DIPK2B: variants seen among roughly 807,000 people sequenced by gnomAD.
The protein encoded by DIPK2B is UPF0672 protein CXorf36.
DIPK2B carries 15 observed loss-of-function variants against 22.2 expected under a neutral mutation model. The ratio of observed to expected loss-of-function variants is 0.68; its 90% CI spans 0.45 to 1.04. The LOEUF is 1.04. Ranked by LOEUF, DIPK2B falls within the 50% of genes least tolerant of loss-of-function variation. The pLI is 0.00. For synonymous variants in DIPK2B, 163 were observed against 153.2 expected (o/e 1.06, Z -0.47); for missense variants, 345 against 348.3 (o/e 0.99, Z 0.08).
In DIPK2B at chrX:45,157,883, C is replaced by G. The variant is rs2047003136; in HGVS notation, c.504G>C (p.Leu168=). Residue 168 remains leucine, a synonymous_variant, in exon 3 of 5, where the codon CTG becomes CTC. Transcript: ENST00000398000. ...KRLTPDLVQG[L]ASPLLRCPSQ... ...AAGGGCAGCGCAGGAGCGGGCTGGC[C>G]AGGCCCTACGCGCAGGTGGGAGAGA... 1 of 1,146,208 alleles carries G rather than the reference C, an allele frequency of 8.7e-7. No individual in the cohort carries two copies. Among genetic ancestry groups the G allele is most frequent in the African/African-American group, 1.8e-5 (1 of 54,866 alleles). The allele number at this position is 1,146,208 out of a possible 1,213,427, so 94.5% of individuals were successfully genotyped here.
intron 2 of DIPK2B, among the ~76,000 whole-genome samples, chrX:45,176,080 C>T (rs1375759860): frequency 9.1e-6 from 1 of 110,036 alleles, no homozygotes; most frequent in Non-Finnish European, 1.9e-5. Flanking sequence ...GGACCTCTTG[C>T]AGGAAAATAT....
At chrX:45,155,961 CTTTTTTTTTTTTT>C (rs757375184) in intron 3 of DIPK2B, among the ~76,000 whole-genome samples, 7 of 55,255 alleles carry the variant, frequency 1.3e-4, no homozygotes, top group Non-Finnish European at 2.2e-4. Flanking sequence ...AAGGGGACCT[CTTTTTTTTTTTTT>C]TTTTTTTTTT....
At chrX:45,187,368 T>C (rs748636671) in intron 2 of DIPK2B, among the ~76,000 whole-genome samples, 1 of 111,926 alleles carries the variant, frequency 8.9e-6, no homozygotes, top group South Asian at 3.7e-4. Context: ...GCTAGTAATT[T>C]AGGCTGTGGG....
Position 45,200,631 on chromosome X carries a change from T to C in DIPK2B, c.196A>G (p.Thr66Ala), listed in dbSNP as rs762991571. Residue 66 changes from threonine to alanine, a missense_variant, in exon 1 of 5, where the codon ACA becomes GCA. Thr to Ala is a moderately conservative substitution (Grantham distance 58). Transcript: ENST00000398000. ...GLDKCNACIG[T>A]SICKKFFKEE... ...TTAAAGAACTTCTTGCAAATAGATGTCCCGATGCAGGCATTGCATTTATCA... is the reference window on the plus strand; with the variant it reads ...TTAAAGAACTTCTTGCAAATAGATGCCCCGATGCAGGCATTGCATTTATCA... The C allele has an allele frequency of 1.7e-6, 2 of 1,211,205 alleles. No individual in the cohort carries two copies. The highest frequency in any genetic ancestry group is 2.2e-6 in the Non-Finnish European group (2 of 895,370).
At chrX:45,170,243 CAAAAA>C (rs145240278) in intron 2 of DIPK2B, among the ~76,000 whole-genome samples, 5,125 of 52,545 alleles carry the variant, frequency 0.098, 153 homozygotes, top group Middle Eastern at 0.17. Context: ...GACTCCGTCT[CAAAAA>C]AAAAAAAAAA....
intron 1 of DIPK2B, among the ~76,000 whole-genome samples, chrX:45,196,121 C>A (rs1293942632): frequency 2.7e-5 from 3 of 112,522 alleles, no homozygotes; most frequent in African/African-American, 9.7e-5. Flanking sequence ...CAGTGTTCAG[C>A]AGAGTACCAA....
intron 1 of DIPK2B, 116 bp from the exon 2 acceptor site, chrX:45,192,131 G>A: frequency 1.3e-6 from 1 of 769,773 alleles, no homozygotes; most frequent in Non-Finnish European, 1.8e-6. Context: ...CTTAGACTGA[G>A]GTGTTCGAAA....
chrX:45,188,304 A>G (rs1334913771), intron 2 of DIPK2B, among the ~76,000 whole-genome samples: 1 of 112,080 alleles, frequency 8.9e-6, no homozygotes, highest in Non-Finnish European at 1.9e-5. Context: ...ACTATTGAGA[A>G]GAATTCTGGG....
chrX:45,151,292 A>G lies in DIPK2B; in HGVS notation c.*360T>C. ...CACACTTTGTAACCACCTGGGATGG[A>G]GGTGGTGAGCATGTGTCCCAAGACC... On this transcript the variant is annotated 3_prime_UTR_variant, in exon 5 of 5. Transcript: ENST00000398000. 5.9e-6 allele frequency: 1 copy of G among 169,403 alleles called. No individual in the cohort carries two copies. The highest frequency in any genetic ancestry group is 1.1e-5 in the Non-Finnish European group (1 of 90,807). The allele number at this position is 169,403 out of a possible 1,213,427, so 14.0% of individuals were successfully genotyped here. A position where few individuals can be genotyped will look rare whatever the true frequency, so the allele number is the denominator to read the frequency against.
At chrX:45,162,085 A>G (rs41305367) in intron 2 of DIPK2B, among the ~76,000 whole-genome samples, 338 of 111,313 alleles carry the variant, frequency 3.0e-3, no homozygotes, top group African/African-American at 0.011. Flanking sequence ...AGCCCAGGCC[A>G]CATGGAGAGC....
At position 45,150,285 on chromosome X, in the gene DIPK2B, G is replaced by A. The variant is rs1035566721; in HGVS notation, c.*1367C>T. 8.9e-6 allele frequency: 1 copy of A among 111,981 alleles called. No individual in the cohort carries two copies. Among genetic ancestry groups the A allele is most frequent in the Non-Finnish European group, 1.9e-5 (1 of 53,231 alleles). 9.2% of individuals were successfully genotyped at this position (111,981 alleles called of 1,213,427 possible). ...AGGGAAGCTGGGCAAATGTACAGAAGAGCCCCCTGCTTATGTTTCAGGGGC... is the reference window on the plus strand; with the variant it reads ...AGGGAAGCTGGGCAAATGTACAGAAAAGCCCCCTGCTTATGTTTCAGGGGC... On this transcript the variant is annotated 3_prime_UTR_variant, in exon 5 of 5. Transcript: ENST00000398000.
intron 2 of DIPK2B, chrX:45,183,392 T>C (rs2047165321): frequency 8.9e-6 from 1 of 111,990 alleles, no homozygotes; most frequent in South Asian, 3.8e-4. Flanking sequence ...CAAATGATAT[T>C]GCTGAACCAT....
intron 2 of DIPK2B, among the ~76,000 whole-genome samples, chrX:45,190,894 G>A (rs56802959): frequency 0.011 from 1,267 of 112,438 alleles, 34 homozygotes; most frequent in Admixed American, 0.08. Flanking sequence ...TCTAGAAGGT[G>A]AGAGAAAGAG....
intron 1 of DIPK2B, among the ~76,000 whole-genome samples, chrX:45,193,905 A>AC (rs1357214795): frequency 2.0e-5 from 2 of 99,693 alleles, no homozygotes; most frequent in African/African-American, 7.3e-5. Flanking sequence ...TTTCAAACCC[A>AC]CCCCTACTCC....
Position 45,150,028 on chromosome X carries a change from C to G in DIPK2B, c.*1624G>C. ...TCCTGAGTAGCTGGGATTACAGGTG[C>G]CCGCCACCACACCTGGCTAATTTTT... On this transcript the variant is annotated 3_prime_UTR_variant, in exon 5 of 5. Transcript: ENST00000398000. 1 of 111,902 alleles carries G rather than the reference C, an allele frequency of 8.9e-6. No homozygotes were observed. Among genetic ancestry groups the G allele is most frequent in the Non-Finnish European group, 1.9e-5 (1 of 53,147 alleles). The allele number at this position is 111,902 out of a possible 1,213,427, so 9.2% of individuals were successfully genotyped here.
At chrX:45,166,890 G>A (rs1047185901) in intron 2 of DIPK2B, among the ~76,000 whole-genome samples, 2 of 112,022 alleles carry the variant, frequency 1.8e-5, no homozygotes, top group Non-Finnish European at 3.8e-5. Flanking sequence ...TTTTTACTTT[G>A]AGTGGACTTA....
chrX:45,161,061 C>A (rs1376217403), intron 2 of DIPK2B, among the ~76,000 whole-genome samples: 1 of 111,616 alleles, frequency 9.0e-6, no homozygotes, highest in Non-Finnish European at 1.9e-5. Flanking sequence ...GAGGATGTAG[C>A]TTTCTTCACT....
chrX:45,190,110 AG>A (rs775068385), intron 2 of DIPK2B, among the ~76,000 whole-genome samples: 2 of 112,574 alleles, frequency 1.8e-5, no homozygotes, highest in South Asian at 7.3e-4. Flanking sequence ...GCATTTCTAT[AG>A]TGATGGACTT....
intron 2 of DIPK2B, among the ~76,000 whole-genome samples, chrX:45,190,437 G>A (rs1185136322): frequency 1.8e-5 from 2 of 111,530 alleles, no homozygotes; most frequent in African/African-American, 3.3e-5. Context: ...AAGGACACAA[G>A]TCAGTAGTGT....
Sources: allele counts gnomAD v4.1 joint callset (sites outside exome capture counted in the v4.1 genomes callset), GRCh38; gene constraint gnomAD v4.1.1; transcripts MANE v1.5; gene names NCBI Gene and HGNC (gene_info 2026-07-23, HGNC 2026-07-21).